USP39: variants seen among roughly 807,000 people sequenced by gnomAD.
USP39 encodes the protein ubiquitin carboxyl-terminal hydrolase 39.
A neutral mutation model predicts 66.4 loss-of-function variants in USP39; 38 were observed. The ratio of observed to expected loss-of-function variants is 0.57; its 90% CI spans 0.44 to 0.75. The LOEUF is 0.75. Among genes scored for constraint, USP39 ranks in the 30% least tolerant of loss-of-function variants. USP39 has a pLI of 0.00. For synonymous variants in USP39, 303 were observed against 274.6 expected, an observed-to-expected ratio of 1.10 and a Z score of -1.02; for missense variants, 608 against 714.4, an observed-to-expected ratio of 0.85 and a Z score of 1.70.
rs201584124 is a variant in USP39, at chr2:85,630,781, A to G, written c.784A>G (p.Ile262Val). 3.7e-6 allele frequency: 6 copies of G among 1,614,236 alleles called. No individual in the cohort carries two copies. In the Admixed American group the frequency reaches 8.3e-5, roughly 22 times the overall value. Residue 262 changes from isoleucine (I) to valine (V), a missense_variant, in exon 6 of 13, where the codon ATC (isoleucine) becomes GTC (valine). Coordinates refer to ENST00000323701, the MANE Select transcript of USP39 (RefSeq NM_006590.4). ...YFLEEDNYKN[I>V]KRPPGDIMFL... Reference sequence around the variant, plus strand: ...TCTGGAAGAAGACAATTATAAGAACATCAAACGTCCTCCAGGGGATATCAT... The same window carrying G: ...TCTGGAAGAAGACAATTATAAGAACGTCAAACGTCCTCCAGGGGATATCAT...
chr2:85,607,518 T>G (rs62166770), upstream of USP39: 32,093 of 152,174 alleles, frequency 0.21, 3,652 homozygotes, highest in Non-Finnish European at 0.26. Context: ...ACCAGGCCCT[T>G]CTCACTTATC....
intron 10 of USP39, 96 bp downstream of exon 10, chr2:85,641,214 G>A: frequency 6.7e-6 from 10 of 1,482,614 alleles, no homozygotes; most frequent in Non-Finnish European, 9.2e-6. Context: ...GTCTTAGTTG[G>A]GGATTACAAG....
Position 85,645,225 on chromosome 2 carries a change from G to A in USP39, c.1563+142G>A, listed in dbSNP as rs184811626. The A allele has an allele frequency of 1.4e-5, 14 of 1,035,132 alleles. No individual in the cohort carries two copies. The East Asian group carries it at 3.0e-4, about 22-fold the overall frequency. The allele number at this position is 1,035,132 out of a possible 1,614,324, so 64.1% of individuals were successfully genotyped here. A position where few individuals can be genotyped will look rare whatever the true frequency, so the allele number is the denominator to read the frequency against. On this transcript the variant is annotated intron_variant, in intron 11 of 12. Transcript: ENST00000323701. ...CAAGTAATAGTGCTGTCAGTAGTTA[G>A]TTTAAGGCAGTGGTTCTCAATTTTG...
intron 5 of USP39, among the ~76,000 whole-genome samples, chr2:85,627,530 C>T (rs1040955288): frequency 6.6e-6 from 1 of 152,042 alleles, no homozygotes; most frequent in African/African-American, 2.4e-5. Context: ...GTGGCTCATG[C>T]CTCTAATCCC....
At chr2:85,647,892 A>G in intron 11 of USP39, 38 bp from the exon 12 acceptor site, 2 of 1,602,512 alleles carry the variant, frequency 1.2e-6, no homozygotes, top group Non-Finnish European at 1.7e-6. Context: ...TTTTGGTTTT[A>G]GAGAGCAGAC....
chr2:85,641,919 A>G (rs530502489), intron 10 of USP39, among the ~76,000 whole-genome samples: 36 of 150,066 alleles, frequency 2.4e-4, no homozygotes, highest in African/African-American at 8.0e-4. Context: ...AAAAAAAAAA[A>G]AAAAAAAAAA....
chr2:85,630,724 C>G lies in USP39; in HGVS notation c.727C>G (p.Leu243Val). The change falls in exon 6 of 13, where the codon CTA becomes GTA. Residue 243 changes from leucine (L) to valine (V), a missense_variant. Physicochemically the swap from Leu to Val is conservative, Grantham distance 32. Coordinates refer to ENST00000323701, the MANE Select transcript of USP39 (RefSeq NM_006590.4). Reference sequence around the variant, plus strand: ...AATCGGAGTGTTTGATTTTTAGGCTCTATCTAATGTTCCTCCTCTCCGGAA... The same window carrying G: ...AATCGGAGTGTTTGATTTTTAGGCTGTATCTAATGTTCCTCCTCTCCGGAA... ...NDYANAVLQA[L>V]SNVPPLRNYF... The G allele has an allele frequency of 6.2e-7, 1 of 1,614,070 alleles. No homozygotes were observed. The highest frequency in any genetic ancestry group is 8.5e-7 in the Non-Finnish European group (1 of 1,179,956).
chr2:85,614,655 C>T (rs1418757621), upstream of USP39, among the ~76,000 whole-genome samples: 1 of 152,152 alleles, frequency 6.6e-6, no homozygotes, highest in Non-Finnish European at 1.5e-5. Flanking sequence ...GGGAGATGTG[C>T]TCTGCTACAA....
chr2:85,611,537 A>AG (rs751407839), upstream of USP39: 1 of 1,551,004 alleles, frequency 6.4e-7, no homozygotes, highest in South Asian at 1.2e-5. Flanking sequence ...GGGAGCGCTG[A>AG]GGTGGAGGTT....
intron 6 of USP39, among the ~76,000 whole-genome samples, chr2:85,631,377 G>A (rs1675322365): frequency 6.7e-6 from 1 of 149,660 alleles, no homozygotes; most frequent in African/African-American, 2.5e-5. Context: ...GTGCAGTGGC[G>A]GGACTTGTAG....
Position 85,648,748 on chromosome 2 carries a change from T to C in USP39, c.1651-13T>C. 1 of 1,614,058 alleles carries C rather than the reference T, an allele frequency of 6.2e-7. No individual in the cohort carries two copies. Among genetic ancestry groups the C allele is most frequent in the South Asian group, 1.1e-5 (1 of 91,082 alleles). On this transcript the variant is annotated splice_polypyrimidine_tract_variant and intron_variant, in intron 12 of 12. Transcript: ENST00000323701. ...GCCTCCTAGACTTCAGTTTGTGTTT[T>C]CATTTCTTACAGATTTGGAAGAGGC...
rs931014034 is a variant in USP39 at position 85,621,580 on chromosome 2, GTAAA to G, written c.433+5_433+8del. The G allele has an allele frequency of 9.3e-6, 15 of 1,612,410 alleles. No homozygotes were observed. Among genetic ancestry groups the G allele is most frequent in the Non-Finnish European group, 1.3e-5 (15 of 1,179,374 alleles). On this transcript the variant is annotated splice_donor_variant and splice_donor_5th_base_variant and intron_variant, in intron 3 of 12. Transcript: ENST00000323701. LOFTEE classifies it high-confidence loss of function. ...CTGGTGTGTGGCAAGTACTTTCAAG[GTAAA>G]TAAGTTGTTAGAGCTAACTGCAGAT...
chr2:85,643,975 T>C (rs1490789948), intron 10 of USP39, among the ~76,000 whole-genome samples: 1 of 152,212 alleles, frequency 6.6e-6, no homozygotes, highest in Non-Finnish European at 1.5e-5. Context: ...ACAGTGAATA[T>C]TTATTGCAGT....
At chr2:85,644,682 C>G (rs1005251104) in intron 10 of USP39, among the ~76,000 whole-genome samples, 10 of 151,930 alleles carry the variant, frequency 6.6e-5, no homozygotes, top group Non-Finnish European at 1.5e-4. Context: ...CTTGACCTCT[C>G]AAAGTGTTGG....
At chr2:85,637,474 T>C in intron 8 of USP39, 38 bp downstream of exon 8, 11 of 1,602,382 alleles carry the variant, frequency 6.9e-6, no homozygotes, top group Non-Finnish European at 9.4e-6. Context: ...CTGATTCATA[T>C]TGCTTGAGGG....
upstream of USP39, among the ~76,000 whole-genome samples, chr2:85,609,823 GGCAAGTGCCAC>G (rs959125552): frequency 3.9e-5 from 6 of 152,076 alleles, no homozygotes; most frequent in East Asian, 1.2e-3. Flanking sequence ...TGGGATTACA[GGCAAGTGCCAC>G]CACATCCAGC....
intron 10 of USP39, 34 bp from the exon 11 acceptor site, chr2:85,644,914 C>G: frequency 6.2e-7 from 1 of 1,612,586 alleles, no homozygotes. Context: ...CAGCCTTTGT[C>G]TGATTATTCC....
At chr2:85,645,208 A>T in intron 11 of USP39, 125 bp downstream of exon 11, 1 of 1,302,462 alleles carries the variant, frequency 7.7e-7, no homozygotes, top group Non-Finnish European at 1.1e-6. Flanking sequence ...TGCAAGTAAT[A>T]GTGCTGTCAG....
chr2:85,623,823 T>C (rs1221198024), intron 4 of USP39, 41 bp downstream of exon 4: 5 of 1,576,296 alleles, frequency 3.2e-6, no homozygotes, highest in Non-Finnish European at 4.3e-6. Flanking sequence ...CATTCTTTAA[T>C]GAGCCATCCC....
Sources: gnomAD v4.1 joint callset for allele counts (sites outside exome capture counted in the v4.1 genomes callset) on GRCh38, gnomAD v4.1.1 for gene constraint, MANE v1.5 for transcripts, NCBI Gene and HGNC (gene_info 2026-07-23, HGNC 2026-07-21) for gene names.